CHD6: variants seen among roughly 807,000 people sequenced by gnomAD.
CHD6 encodes the protein ATP-dependent chromatin remodeler CHD6.
In CHD6, 50 loss-of-function variants were observed where a neutral mutation model predicts 276.9. That is an observed-to-expected ratio of 0.18 (90% CI 0.14 to 0.23). The LOEUF is 0.23. Ranked by LOEUF, CHD6 falls within the 10% of genes least tolerant of loss-of-function variation. CHD6 has a pLI of 1.00. For synonymous variants in CHD6, 1,173 were observed against 1,229.3 expected (o/e 0.95, Z 0.96); for missense variants, 2,564 against 3,365.8 (o/e 0.76, Z 5.89).
intron 1 of CHD6, among the ~76,000 whole-genome samples, chr20:41,610,184 C>A (rs1321954447): frequency 6.6e-6 from 1 of 152,070 alleles, no homozygotes; most frequent in Non-Finnish European, 1.5e-5. Context: ...TAATTTCCTC[C>A]TTCTTGTCAA....
intron 1 of CHD6, among the ~76,000 whole-genome samples, chr20:41,553,952 C>T (rs767974492): frequency 1.3e-5 from 2 of 152,176 alleles, no homozygotes; most frequent in Non-Finnish European, 2.9e-5. Context: ...GAGTTTGTGA[C>T]CAGCCTGGGC....
chr20:41,540,956 TA>T (rs1301039885), intron 2 of CHD6, among the ~76,000 whole-genome samples: 2 of 152,018 alleles, frequency 1.3e-5, no homozygotes, highest in East Asian at 3.9e-4. Context: ...AGGATTGTTT[TA>T]TTTTTTTCAC....
chr20:41,616,085 C>A lies in CHD6; in HGVS notation c.-24+2255G>T, dbSNP rs1348510077. ...TATACAAAAAGTAAATCAATAAATA[C>A]AAAAACATAACTGCCAAAGGTTCTT... On this transcript the variant is annotated intron_variant, in intron 1 of 36. Transcript: ENST00000373233. 3.9e-5 allele frequency among the ~76,000 whole-genome samples: 6 copies of A among 152,142 alleles called. No homozygotes were observed. The East Asian group carries it at 1.2e-3, about 29-fold the overall frequency.
chr20:41,571,330 T>C (rs556787307), intron 1 of CHD6, among the ~76,000 whole-genome samples: 1 of 151,860 alleles, frequency 6.6e-6, no homozygotes, highest in African/African-American at 2.4e-5. Flanking sequence ...TGTAAGTTGC[T>C]CTACTGACGG....
At chr20:41,579,439 A>G (rs1411519316) in intron 1 of CHD6, among the ~76,000 whole-genome samples, 2 of 147,426 alleles carry the variant, frequency 1.4e-5, no homozygotes, top group Non-Finnish European at 3.0e-5. Flanking sequence ...CTCTGTCTCA[A>G]AAAAAAAAAA....
At chr20:41,618,000 C>T (rs1342043125) in intron 1 of CHD6, among the ~76,000 whole-genome samples, 2 of 146,664 alleles carry the variant, frequency 1.4e-5, no homozygotes, top group Admixed American at 6.8e-5. Flanking sequence ...CGGCCGGGGT[C>T]TGCCCGGACC....
intron 1 of CHD6, among the ~76,000 whole-genome samples, chr20:41,616,717 T>C (rs1259479702): frequency 3.3e-5 from 5 of 152,224 alleles, no homozygotes; most frequent in Non-Finnish European, 5.9e-5. Context: ...CTGCTCTGCT[T>C]GGCATAAATC....
chr20:41,513,415 G>A (rs2044168912), intron 4 of CHD6, among the ~76,000 whole-genome samples: 1 of 152,162 alleles, frequency 6.6e-6, no homozygotes, highest in Admixed American at 6.5e-5. Context: ...CAGTTTTATT[G>A]TTTTTGCTTA....
At position 41,514,828 on chromosome 20, in the gene CHD6, A is replaced by T. The variant is rs759793195; in HGVS notation, c.679T>A (p.Ser227Thr). 6.2e-7 allele frequency: 1 copy of T among 1,613,368 alleles called. No individual in the cohort carries two copies. The highest frequency in any genetic ancestry group is 1.1e-5 in the South Asian group (1 of 90,988). ...TNPSLRSPEESTESTDSQKRR... is the reference protein window; with the variant it reads ...TNPSLRSPEETTESTDSQKRR... ...ACCTGGCTGTCTGTAGACTCAGTGG[A>T]CTCCTCAGGACTCCGCAGAGATGGG... is the stretch of plus-strand genomic sequence containing the variant. Residue 227 changes from serine to threonine, a missense_variant, in exon 4 of 37, where the codon TCC (serine) becomes ACC (threonine). By Grantham distance (58) the Ser-to-Thr change is moderately conservative. Transcript: ENST00000373233.
At chr20:41,552,552 A>G (rs987985949) in intron 1 of CHD6, among the ~76,000 whole-genome samples, 1 of 152,236 alleles carries the variant, frequency 6.6e-6, no homozygotes, top group African/African-American at 2.4e-5. Context: ...TGCAATTTAA[A>G]AAAGATTAAA....
chr20:41,410,669 G>A (rs1005092595), intron 36 of CHD6, among the ~76,000 whole-genome samples: 27 of 152,156 alleles, frequency 1.8e-4, no homozygotes, highest in African/African-American at 6.3e-4. Flanking sequence ...ACACATCTCT[G>A]GGAAGAGGCT....
At chr20:41,463,864 T>A (rs984611023) in intron 17 of CHD6, among the ~76,000 whole-genome samples, 4 of 152,168 alleles carry the variant, frequency 2.6e-5, no homozygotes, top group African/African-American at 9.7e-5. Flanking sequence ...AACTGAACTG[T>A]GAATATACAA....
At chr20:41,428,520 G>A (rs1316264661) in intron 27 of CHD6, among the ~76,000 whole-genome samples, 1 of 152,176 alleles carries the variant, frequency 6.6e-6, no homozygotes, top group Non-Finnish European at 1.5e-5. Flanking sequence ...CAACAACACA[G>A]CAAACTGATT....
At chr20:41,503,215 A>G (rs2043881068) in intron 5 of CHD6, among the ~76,000 whole-genome samples, 1 of 152,196 alleles carries the variant, frequency 6.6e-6, no homozygotes, top group Non-Finnish European at 1.5e-5. Flanking sequence ...GTTTATAGAA[A>G]TAAAAAATAC....
At chr20:41,608,292 TACA>T (rs936259762) in intron 1 of CHD6, among the ~76,000 whole-genome samples, 2 of 152,096 alleles carry the variant, frequency 1.3e-5, no homozygotes, top group Non-Finnish European at 2.9e-5. Flanking sequence ...ACCAAAATAG[TACA>T]ACAAGCATTT....
intron 17 of CHD6, among the ~76,000 whole-genome samples, chr20:41,467,748 A>G (rs150317698): frequency 6.6e-6 from 1 of 151,850 alleles, no homozygotes; most frequent in Non-Finnish European, 1.5e-5. Flanking sequence ...AGCTGAGAAC[A>G]GGAAGGACAG....
chr20:41,513,143 A>G (rs1369191407), intron 4 of CHD6, 148 bp from the exon 5 acceptor site: 10 of 870,404 alleles, frequency 1.1e-5, no homozygotes, highest in Non-Finnish European at 1.8e-5. Flanking sequence ...CTCTTTTAAT[A>G]AAAGGACTAA....
Position 41,404,628 on chromosome 20 carries a change from C to A in CHD6, c.8113G>T (p.Gly2705Trp). 6.7e-7 allele frequency: 1 copy of A among 1,501,056 alleles called. No homozygotes were observed. Among genetic ancestry groups the A allele is most frequent in the Non-Finnish European group, 8.9e-7 (1 of 1,124,402 alleles). The allele number at this position is 1,501,056 out of a possible 1,614,324, so 93.0% of individuals were successfully genotyped here. The change falls in exon 37 of 37, where the codon GGG (glycine) becomes TGG (tryptophan). Residue 2705 changes from glycine to tryptophan, a missense_variant. By Grantham distance (184) the Gly-to-Trp change is radical (BLOSUM62 -2). Coordinates refer to ENST00000373233, the MANE Select transcript of CHD6 (RefSeq NM_032221.5). ...TCGTTGTTGGAGTCTTTGAGTGCCC[C>A]CTCCCCAGCCTGTGCCCCATGTTCT... ...EREHGAQAGEGALKDSNNDTN is the reference protein window; with the variant it reads ...EREHGAQAGEWALKDSNNDTN
chr20:41,581,416 C>A (rs1216866988), intron 1 of CHD6, among the ~76,000 whole-genome samples: 2 of 152,168 alleles, frequency 1.3e-5, no homozygotes, highest in African/African-American at 4.8e-5. Context: ...GTGGCTCACA[C>A]CTGTAATCCC....
Sources: gnomAD v4.1 joint callset for allele counts (sites outside exome capture counted in the v4.1 genomes callset) on GRCh38, gnomAD v4.1.1 for gene constraint, MANE v1.5 for transcripts, NCBI Gene and HGNC (gene_info 2026-07-23, HGNC 2026-07-21) for gene names.